Variants in KCNIP4 observed in about 807,000 individuals in gnomAD.
KCNIP4 encodes potassium voltage-gated channel interacting protein 4.
In KCNIP4, 12 loss-of-function variants were observed where a neutral mutation model predicts 34.0. The ratio of observed to expected loss-of-function variants is 0.35; its 90% CI spans 0.23 to 0.57. The LOEUF (loss-of-function observed/expected upper bound fraction) is 0.57. Among genes scored for constraint, KCNIP4 ranks in the 20% least tolerant of loss-of-function variants. KCNIP4 has a pLI of 0.83. For synonymous variants in KCNIP4, 124 were observed against 102.2 expected (o/e 1.21, Z -1.29); for missense variants, 238 against 311.7 (o/e 0.76, Z 1.78).
At chr4:21,633,588 G>A (rs971137318) in intron 1 of KCNIP4, among the ~76,000 whole-genome samples, 1 of 152,050 alleles carries the variant, frequency 6.6e-6, no homozygotes, top group Non-Finnish European at 1.5e-5. Flanking sequence ...TAACAACAAG[G>A]CAGGCTCTAT....
chr4:21,435,749 C>T (rs1205580136), intron 1 of KCNIP4, among the ~76,000 whole-genome samples: 4 of 151,830 alleles, frequency 2.6e-5, no homozygotes, highest in African/African-American at 9.7e-5. Flanking sequence ...TTTTTTTCTC[C>T]TCCACTAATT....
intron 3 of KCNIP4, among the ~76,000 whole-genome samples, chr4:20,762,398 C>A (rs1755028252): frequency 6.6e-6 from 1 of 152,158 alleles, no homozygotes; most frequent in South Asian, 2.1e-4. Context: ...AGACCAATAA[C>A]TAAATATTAA....
chr4:21,800,628 G>C (rs1425173065), intron 1 of KCNIP4, among the ~76,000 whole-genome samples: 1 of 152,090 alleles, frequency 6.6e-6, no homozygotes. Flanking sequence ...TTCTGTTTTC[G>C]ATGAATGGTT....
At chr4:21,863,386 T>G (rs1249925256) in intron 1 of KCNIP4, among the ~76,000 whole-genome samples, 1 of 152,094 alleles carries the variant, frequency 6.6e-6, no homozygotes, top group Non-Finnish European at 1.5e-5. Flanking sequence ...TCCTGGCCTG[T>G]GGGAGTGAGT....
rs185635800 is a variant in KCNIP4, at chr4:21,088,258, C to T, written c.62-205549G>A. 6.6e-5 allele frequency among the ~76,000 whole-genome samples: 10 copies of T among 152,192 alleles called. No homozygotes were observed. In the East Asian group the frequency reaches 1.7e-3, roughly 26 times the overall value. On this transcript the variant is annotated intron_variant, in intron 1 of 8. Transcript: ENST00000382152. ...CACACTGAATTGCCTGGAACTGAGGCGTCTTGTGGGAGGTAGAACTTTTAA... is the reference window on the plus strand; with the variant it reads ...CACACTGAATTGCCTGGAACTGAGGTGTCTTGTGGGAGGTAGAACTTTTAA...
chr4:21,142,017 G>A (rs914170125), intron 1 of KCNIP4, among the ~76,000 whole-genome samples: 1 of 151,820 alleles, frequency 6.6e-6, no homozygotes, highest in African/African-American at 2.4e-5. Flanking sequence ...GAGGTGTGGT[G>A]GTGTGCGCCT....
chr4:21,296,885 G>A (rs1195095695), intron 1 of KCNIP4, among the ~76,000 whole-genome samples: 5 of 151,924 alleles, frequency 3.3e-5, no homozygotes, highest in Non-Finnish European at 7.4e-5. Flanking sequence ...TGGCACCAAA[G>A]CAAGCAGTTA....
chr4:20,976,267 G>A (rs1225634994), intron 1 of KCNIP4, among the ~76,000 whole-genome samples: 5 of 152,088 alleles, frequency 3.3e-5, no homozygotes, highest in African/African-American at 7.2e-5. Flanking sequence ...AAACTCCATG[G>A]GTTGGGCCCA....
intron 1 of KCNIP4, among the ~76,000 whole-genome samples, chr4:21,668,382 A>G (rs928988582): frequency 2.0e-5 from 3 of 152,212 alleles, no homozygotes; most frequent in Non-Finnish European, 2.9e-5. Flanking sequence ...ATTAAGGCAT[A>G]GATAAGAGGG....
intron 1 of KCNIP4, among the ~76,000 whole-genome samples, chr4:21,204,550 T>C (rs1756714330): frequency 6.6e-6 from 1 of 152,184 alleles, no homozygotes; most frequent in Non-Finnish European, 1.5e-5. Context: ...ATATTTAGAA[T>C]GACTAGATAA....
chr4:20,758,154 A>G (rs1272253201), intron 4 of KCNIP4, among the ~76,000 whole-genome samples: 1 of 152,204 alleles, frequency 6.6e-6, no homozygotes, highest in Non-Finnish European at 1.5e-5. Flanking sequence ...TAATTGAAAG[A>G]AAAACTATAA....
rs772871944 is a variant in KCNIP4, at chr4:21,876,776, C to CA, written c.61+71794dup. Among the ~76,000 whole-genome samples, 4 of 151,384 alleles carry CA rather than the reference C, an allele frequency of 2.6e-5. No individual in the cohort carries two copies. In the East Asian group the frequency reaches 7.7e-4, roughly 29 times the overall value. On this transcript the variant is annotated intron_variant, in intron 1 of 8. Coordinates refer to ENST00000382152, the MANE Select transcript of KCNIP4 (RefSeq NM_025221.6). ...CATCATAAAAAAGTGAGTGAAAGTT[C>CA]AAAAAAAGAAAATGGTAGGACTATA...
chr4:21,716,397 T>C (rs571457840), intron 1 of KCNIP4, among the ~76,000 whole-genome samples: 7 of 152,100 alleles, frequency 4.6e-5, no homozygotes, highest in Admixed American at 2.0e-4. Context: ...CCACTGTATC[T>C]GGCTCATTTT....
intron 1 of KCNIP4, among the ~76,000 whole-genome samples, chr4:21,568,785 T>A (rs1407700610): frequency 6.6e-6 from 1 of 152,118 alleles, no homozygotes; most frequent in Non-Finnish European, 1.5e-5. Context: ...TCCTGGCTCC[T>A]CAGCTTGCAG....
At chr4:21,065,726 CTATATATATATATATA>C (rs5856598) in intron 1 of KCNIP4, among the ~76,000 whole-genome samples, 26 of 86,370 alleles carry the variant, frequency 3.0e-4, no homozygotes, top group East Asian at 1.4e-3. Context: ...TATCATTTGT[CTATATATATATATATA>C]TATATATATA....
intron 1 of KCNIP4, among the ~76,000 whole-genome samples, chr4:21,528,743 GAAA>G (rs1560489739): frequency 0.061 from 420 of 6,852 alleles, 50 homozygotes; most frequent in Middle Eastern, 0.12. Context: ...AAGAAAGAAA[GAAA>G]GAAAGAAAGA....
At chr4:21,898,295 T>C (rs1397318580) in intron 1 of KCNIP4, among the ~76,000 whole-genome samples, 2 of 152,118 alleles carry the variant, frequency 1.3e-5, no homozygotes, top group East Asian at 3.9e-4. Flanking sequence ...CCTAGCAAGA[T>C]GCCAGCTAGA....
chr4:20,979,461 A>C (rs570245389), intron 1 of KCNIP4, among the ~76,000 whole-genome samples: 5 of 145,424 alleles, frequency 3.4e-5, no homozygotes, highest in African/African-American at 7.7e-5. Context: ...TGCAGTGGCG[A>C]GATCTCGGCT....
At chr4:21,878,808 C>T (rs1188431759) in intron 1 of KCNIP4, among the ~76,000 whole-genome samples, 1 of 152,120 alleles carries the variant, frequency 6.6e-6, no homozygotes, top group Admixed American at 6.5e-5. Context: ...GGCCTCAGTA[C>T]TCTCGTTTTT....
Sources: gnomAD v4.1 joint callset for allele counts (sites outside exome capture counted in the v4.1 genomes callset) on GRCh38, gnomAD v4.1.1 for gene constraint, MANE v1.5 for transcripts, NCBI Gene and HGNC (gene_info 2026-07-23, HGNC 2026-07-21) for gene names.